The following HMCN1 variants were observed in gnomAD, a reference collection of about 807,000 sequenced individuals.
HMCN1 encodes the protein hemicentin-1.
In HMCN1, 321 loss-of-function variants were observed where a neutral mutation model predicts 625.9. The ratio of observed to expected loss-of-function variants is 0.51; its 90% CI spans 0.47 to 0.56. HMCN1 has a LOEUF of 0.56. HMCN1 is among the 20% of genes least tolerant of loss of function. The pLI, the probability that HMCN1 is intolerant of heterozygous loss-of-function variation, is 0.00. For synonymous variants in HMCN1, 2,425 were observed against 2,417.6 expected, an observed-to-expected ratio of 1.00 and a Z score of -0.09; for missense variants, 6,588 against 6,887.3, an observed-to-expected ratio of 0.96 and a Z score of 1.54.
At chr1:185,781,598 G>A (rs570740719) in intron 1 of HMCN1, among the ~76,000 whole-genome samples, 1 of 152,196 alleles carries the variant, frequency 6.6e-6, no homozygotes, top group East Asian at 1.9e-4. Context: ...CCTTCATTTC[G>A]TTATGTACCC....
intron 93 of HMCN1, 51 bp from the exon 94 acceptor site, chr1:186,151,149 T>A (rs774371971): frequency 1.3e-6 from 2 of 1,590,780 alleles, no homozygotes; most frequent in East Asian, 4.5e-5. Context: ...TCCCATGTAA[T>A]GTTGATGAAA....
intron 1 of HMCN1, among the ~76,000 whole-genome samples, chr1:185,780,159 G>A: frequency 6.6e-6 from 1 of 152,132 alleles, no homozygotes; most frequent in Non-Finnish European, 1.5e-5. Context: ...GTCTGTTATT[G>A]GTGTATAAGA....
chr1:186,139,634 C>T (rs1427130626), intron 89 of HMCN1, among the ~76,000 whole-genome samples: 2 of 150,078 alleles, frequency 1.3e-5, no homozygotes, highest in Non-Finnish European at 3.0e-5. Flanking sequence ...TAGTTATTTC[C>T]CCCAGTCCCT....
intron 71 of HMCN1, 55 bp from the exon 72 acceptor site, chr1:186,112,757 T>C: frequency 6.2e-6 from 10 of 1,602,894 alleles, no homozygotes; most frequent in Non-Finnish European, 7.7e-6. Context: ...TGAAATAATA[T>C]TTATTCTCTT....
chr1:185,950,402 C>G (rs1167863646), intron 11 of HMCN1, among the ~76,000 whole-genome samples: 1 of 151,876 alleles, frequency 6.6e-6, no homozygotes, highest in Non-Finnish European at 1.5e-5. Context: ...GAGGGCTAGG[C>G]TAAAACAGTA....
intron 4 of HMCN1, among the ~76,000 whole-genome samples, chr1:185,867,626 A>G (rs1482041683): frequency 2.6e-5 from 4 of 152,146 alleles, no homozygotes; most frequent in Non-Finnish European, 4.4e-5. Context: ...TGTTGGGGCC[A>G]GTATGCTGAA....
At chr1:185,835,308 C>G (rs1409129097) in intron 1 of HMCN1, among the ~76,000 whole-genome samples, 2 of 152,108 alleles carry the variant, frequency 1.3e-5, no homozygotes, top group African/African-American at 4.8e-5. Flanking sequence ...GAGAATGGCA[C>G]AGAATGTCTC....
At chr1:186,076,677 T>G in intron 54 of HMCN1, 55 bp downstream of exon 54, 1 of 1,534,782 alleles carries the variant, frequency 6.5e-7, no homozygotes, top group Non-Finnish European at 9.0e-7. Context: ...ATGTGTTTCC[T>G]CTCATGTATT....
chr1:185,965,839 G>C lies in HMCN1; in HGVS notation c.2136G>C (p.Leu712Phe). 1 of 1,612,236 alleles carries C rather than the reference G, an allele frequency of 6.2e-7. No homozygotes were observed. The highest frequency in any genetic ancestry group is 8.5e-7 in the Non-Finnish European group (1 of 1,178,620). ...TGATGGTAGTTCAGAGTGAGCTCTT[G>C]GTTGCCCTTGGGGATATAACCGTTA... ...PKLMVVQSEL[L>F]VALGDITVME... The change falls in exon 14 of 107, where the codon TTG becomes TTC. Residue 712 changes from leucine (L) to phenylalanine (F), a missense_variant. Coordinates refer to ENST00000271588, the MANE Select transcript of HMCN1 (RefSeq NM_031935.3).
intron 58 of HMCN1, among the ~76,000 whole-genome samples, chr1:186,086,826 A>C (rs1270228569): frequency 1.5e-5 from 1 of 66,520 alleles, no homozygotes; most frequent in Non-Finnish European, 3.3e-5. Context: ...ATAGATAGAT[A>C]GATAGATAGA....
chr1:185,944,310 T>G (rs1284498481), intron 11 of HMCN1, among the ~76,000 whole-genome samples: 1 of 152,136 alleles, frequency 6.6e-6, no homozygotes. Context: ...CTTTGAAGAC[T>G]CAGAAGGGAG....
intron 30 of HMCN1, among the ~76,000 whole-genome samples, chr1:186,013,864 T>A (rs753728729): frequency 3.3e-5 from 5 of 152,096 alleles, no homozygotes; most frequent in Non-Finnish European, 5.9e-5. Context: ...AGTGATTGAC[T>A]CAATAAATAA....
intron 6 of HMCN1, among the ~76,000 whole-genome samples, chr1:185,916,810 G>C (rs771244563): frequency 1.2e-4 from 18 of 152,122 alleles, no homozygotes; most frequent in Non-Finnish European, 2.4e-4. Context: ...ATGGGGTCTG[G>C]TAGAGTATTC....
At chr1:185,802,613 G>T (rs564194304) in intron 1 of HMCN1, among the ~76,000 whole-genome samples, 1 of 152,264 alleles carries the variant, frequency 6.6e-6, no homozygotes, top group South Asian at 2.1e-4. Flanking sequence ...ACCAAGGAAA[G>T]GGTGTGTTTT....
intron 6 of HMCN1, among the ~76,000 whole-genome samples, chr1:185,914,013 T>C (rs1161398795): frequency 6.6e-6 from 1 of 152,158 alleles, no homozygotes; most frequent in Non-Finnish European, 1.5e-5. Flanking sequence ...TATCTATTAT[T>C]ATTTTATCTT....
intron 97 of HMCN1, among the ~76,000 whole-genome samples, chr1:186,159,630 G>T (rs1308638834): frequency 6.6e-6 from 1 of 152,170 alleles, no homozygotes; most frequent in African/African-American, 2.4e-5. Context: ...TTAGCATGAA[G>T]TGTTGTTGAA....
At chr1:185,746,950 G>A (rs1301651969) in intron 1 of HMCN1, among the ~76,000 whole-genome samples, 4 of 151,906 alleles carry the variant, frequency 2.6e-5, no homozygotes, top group South Asian at 2.1e-4. Flanking sequence ...TTGGATTAGC[G>A]GCCCACGATA....
At chr1:186,083,838 G>A (rs549587116) in intron 57 of HMCN1, among the ~76,000 whole-genome samples, 3 of 152,044 alleles carry the variant, frequency 2.0e-5, no homozygotes, top group Non-Finnish European at 4.4e-5. Flanking sequence ...CCCGTTCTTA[G>A]CACAGTGAGT....
At chr1:185,791,251 C>T (rs1009957293) in intron 1 of HMCN1, among the ~76,000 whole-genome samples, 4 of 152,008 alleles carry the variant, frequency 2.6e-5, no homozygotes, top group Non-Finnish European at 5.9e-5. Flanking sequence ...GTGTCTGGTA[C>T]ATAGTAGGCC....
Sources: gnomAD v4.1 joint callset for allele counts (sites outside exome capture counted in the v4.1 genomes callset) on GRCh38, gnomAD v4.1.1 for gene constraint, MANE v1.5 for transcripts, NCBI Gene and HGNC (gene_info 2026-07-23, HGNC 2026-07-21) for gene names.